GNL3: variants seen among roughly 807,000 people sequenced by gnomAD.
GNL3 encodes the protein guanine nucleotide-binding protein-like 3.
In GNL3, 77 loss-of-function variants were observed where a neutral mutation model predicts 70.6. The ratio of observed to expected loss-of-function variants is 1.09; its 90% CI spans 0.91 to 1.32. The LOEUF is 1.32. Among genes scored for constraint, GNL3 ranks in the 40% most tolerant of loss-of-function variants. GNL3 has a pLI of 0.00. For missense variants in GNL3, 634 were observed against 644.0 expected (o/e 0.98, Z 0.17); for synonymous variants, 252 against 216.1 (o/e 1.17, Z -1.46).
chr3:52,694,130 G>A (rs946914378), intron 14 of GNL3, 27 bp downstream of exon 14: 7 of 1,595,878 alleles, frequency 4.4e-6, no homozygotes, highest in Admixed American at 1.7e-5. Flanking sequence ...GGGTTCTAAC[G>A]AAGCAGCATG....
At chr3:52,688,821 A>AATATCCC (rs2097324605) in intron 5 of GNL3, 1 of 498,908 alleles carries the variant, frequency 2.0e-6, no homozygotes, top group Non-Finnish European at 3.6e-6. Context: ...TCAGACAGGG[A>AATATCCC]TATTTGCATT....
Position 52,690,761 on chromosome 3 carries a change from TGA to T in GNL3, c.654+59_654+60del, listed in dbSNP as rs2097326491. 16 of 1,183,164 alleles carry T rather than the reference TGA, an allele frequency of 1.4e-5. No homozygotes were observed. In the South Asian group the frequency reaches 1.8e-4, roughly 13 times the overall value. The allele number at this position is 1,183,164 out of a possible 1,614,324, so 73.3% of individuals were successfully genotyped here. A position where few individuals can be genotyped will look rare whatever the true frequency, so the allele number is the denominator to read the frequency against. ...CTTTCAGATTTTGGTTGAAATATGA[TGA>T]GTGTACAAAATCTTGATTTAAGTGA... On this transcript the variant is annotated intron_variant, in intron 7 of 14. Coordinates refer to ENST00000418458, the MANE Select transcript of GNL3 (RefSeq NM_014366.5).
intron 5 of GNL3, 68 bp downstream of exon 5, chr3:52,688,260 T>C (rs1163426799): frequency 7.7e-6 from 7 of 904,310 alleles, no homozygotes; most frequent in Non-Finnish European, 1.3e-5. Flanking sequence ...ATTTTTTTTT[T>C]AACCTTTTAA....
intron 10 of GNL3, 60 bp downstream of exon 10, chr3:52,693,106 G>C: frequency 6.3e-7 from 1 of 1,599,416 alleles, no homozygotes; most frequent in African/African-American, 1.3e-5. Context: ...TAAGCATTTT[G>C]AGTAGAAAAA....
At chr3:52,686,290 C>T (rs1561238651) in intron 1 of GNL3, 185 bp downstream of exon 1, 3 of 643,592 alleles carry the variant, frequency 4.7e-6, no homozygotes, top group African/African-American at 3.6e-5. Context: ...TCATGTTAAC[C>T]GCGCGGGCTC....
Position 52,689,195 on chromosome 3 carries a change from T to C in GNL3, c.530T>C (p.Leu177Ser). The C allele has an allele frequency of 1.2e-6, 2 of 1,613,350 alleles. No homozygotes were observed. The highest frequency in any genetic ancestry group is 1.7e-6 in the Non-Finnish European group (2 of 1,179,322). ...QSGQKKLVLI[L>S]NKSDLVPKEN... ...GGACAGAAAAAGCTGGTACTTATATTAAATAAATCAGGTGAGTAAAGAGGG... is the reference window on the plus strand; with the variant it reads ...GGACAGAAAAAGCTGGTACTTATATCAAATAAATCAGGTGAGTAAAGAGGG... The change falls in exon 6 of 15, where the codon TTA (leucine) becomes TCA (serine). Residue 177 changes from leucine (L) to serine (S), a missense_variant. Physicochemically the swap from Leu to Ser is moderately radical, Grantham distance 145. Coordinates refer to ENST00000418458, the MANE Select transcript of GNL3 (RefSeq NM_014366.5).
chr3:52,692,817 C>T, intron 9 of GNL3, 55 bp from the exon 10 acceptor site: 1 of 1,389,144 alleles, frequency 7.2e-7, no homozygotes, highest in Non-Finnish European at 1.0e-6. Flanking sequence ...CATGTTCTGT[C>T]TCTTAACCTC....
chr3:52,689,326 C>T (rs1213557656), intron 6 of GNL3, 120 bp downstream of exon 6: 11 of 973,714 alleles, frequency 1.1e-5, no homozygotes, highest in Non-Finnish European at 1.8e-5. Context: ...AGAGTACGTG[C>T]ACTTTGCCAG....
intron 2 of GNL3, 150 bp downstream of exon 2, chr3:52,686,977 G>A (rs1269574136): frequency 7.7e-6 from 5 of 645,690 alleles, no homozygotes; most frequent in Non-Finnish European, 1.4e-5. Flanking sequence ...TAGGCATCAG[G>A]AGTGCAGCTG....
At position 52,693,679 on chromosome 3, in the gene GNL3, G is replaced by C. The variant is rs372615484; in HGVS notation, c.1372G>C (p.Gly458Arg). Residue 458 changes from glycine (G) to arginine (R), a missense_variant, in exon 13 of 15, where the codon GGT becomes CGT. Transcript: ENST00000418458. ...CAATAGCATCCTTTTCCAGTCTTCC[G>C]GTCTGACAAATGGAATAATAGAAGA... The part of the protein sequence containing the change: ...LANSILFQSS[G>R]LTNGIIEEKD... The C allele has an allele frequency of 1.9e-6, 3 of 1,613,928 alleles. No homozygotes were observed. The highest frequency in any genetic ancestry group is 2.5e-6 in the Non-Finnish European group (3 of 1,179,996).
At chr3:52,688,943 A>G in intron 5 of GNL3, 131 bp from the exon 6 acceptor site, 1 of 732,238 alleles carries the variant, frequency 1.4e-6, no homozygotes, top group Non-Finnish European at 2.3e-6. Flanking sequence ...ATGAGATCCA[A>G]CTCTGAGCTC....
At chr3:52,689,289 A>C (rs768825007) in intron 6 of GNL3, 83 bp downstream of exon 6, 3 of 1,259,448 alleles carry the variant, frequency 2.4e-6, no homozygotes, top group Non-Finnish European at 3.5e-6. Context: ...AAGACTGATT[A>C]GATCCAACTC....
rs1027828041 is a variant in GNL3, at chr3:52,687,337, C to T, written c.164C>T (p.Pro55Leu). ...RKDPGVPNSAPFKEALLREAE... is the reference protein window; with the variant it reads ...RKDPGVPNSALFKEALLREAE... ...GACCCAGGAGTTCCAAACAGTGCTC[C>T]CTTTAAGGAGGCTCTTCTTAGGGAA... is the stretch of plus-strand genomic sequence containing the variant. Residue 55 changes from proline to leucine, a missense_variant, in exon 3 of 15, where the codon CCC becomes CTC. Coordinates refer to ENST00000418458, the MANE Select transcript of GNL3 (RefSeq NM_014366.5). 3 of 1,613,656 alleles carry T rather than the reference C, an allele frequency of 1.9e-6. No individual in the cohort carries two copies. The African/African-American group carries it at 4.0e-5, about 22-fold the overall frequency.
chr3:52,686,124 C>T lies in GNL3; in HGVS notation c.13+19C>T, dbSNP rs760912255. The T allele has an allele frequency of 2.5e-6, 4 of 1,583,966 alleles. No individual in the cohort carries two copies. On this transcript the variant is annotated intron_variant, in intron 1 of 14. Transcript: ENST00000418458. ...AGGCCTAGTAAGTGGGGTCGGGAGG[C>T]GGGCGTGGAGGGACCCACGTCTGGA... is the stretch of plus-strand genomic sequence containing the variant.
intron 1 of GNL3, chr3:52,686,388 A>C (rs2097311537): frequency 3.4e-6 from 2 of 584,506 alleles, no homozygotes; most frequent in Non-Finnish European, 6.1e-6. Flanking sequence ...TTTGAGGCCC[A>C]ATATTTTCTT....
chr3:52,692,097 C>G (rs1184288443), intron 9 of GNL3, among the ~76,000 whole-genome samples: 1 of 152,172 alleles, frequency 6.6e-6, no homozygotes, highest in Non-Finnish European at 1.5e-5. Flanking sequence ...GTTTGAAAGA[C>G]AAGTTCAGCA....
chr3:52,686,006 A>G, upstream of GNL3: 1 of 788,346 alleles, frequency 1.3e-6, no homozygotes, highest in Non-Finnish European at 2.3e-6. Flanking sequence ...CGGCAGCGTA[A>G]GTGCGTGACG....
intron 8 of GNL3, 116 bp downstream of exon 8, chr3:52,691,187 A>G (rs1302179050): frequency 2.3e-6 from 2 of 851,552 alleles, no homozygotes; most frequent in South Asian, 3.2e-5. Context: ...TAAAAGGCTC[A>G]CTCAAATACT....
At chr3:52,688,790 T>C (rs955514790) in intron 5 of GNL3, 7 of 417,874 alleles carry the variant, frequency 1.7e-5, no homozygotes, top group African/African-American at 1.4e-4. Context: ...TATCAAACTA[T>C]ATAATTCACT....
Sources: gnomAD v4.1 joint callset for allele counts (sites outside exome capture counted in the v4.1 genomes callset) on GRCh38, gnomAD v4.1.1 for gene constraint, MANE v1.5 for transcripts, NCBI Gene and HGNC (gene_info 2026-07-23, HGNC 2026-07-21) for gene names.